UGT1A10: variants seen among roughly 807,000 people sequenced by gnomAD.
UGT1A10 encodes UDP glucuronosyltransferase family 1 member A10, also known as UDP-glucuronosyltransferase 1A10.
Under a neutral mutation model 45.8 loss-of-function variants are expected in UGT1A10, and 49 were observed. The observed-to-expected ratio is 1.07, with a 90% CI of 0.85 to 1.36. UGT1A10 has a LOEUF of 1.36. Among genes scored for constraint, UGT1A10 ranks in the 40% most tolerant of loss-of-function variants. The pLI is 0.00. For synonymous variants in UGT1A10, 284 were observed against 249.7 expected (o/e 1.14, Z -1.29); for missense variants, 745 against 668.6 (o/e 1.11, Z -1.26).
chr2:233,721,880 C>A, intron 1 of UGT1A10: 1 of 494,092 alleles, frequency 2.0e-6, no homozygotes, highest in Admixed American at 2.1e-5. Flanking sequence ...CTTGCCAGCC[C>A]CTCCATTGCA....
intron 1 of UGT1A10, among the ~76,000 whole-genome samples, chr2:233,762,016 T>C (rs1483178639): frequency 3.9e-5 from 6 of 152,180 alleles, no homozygotes; most frequent in Non-Finnish European, 2.9e-5. Flanking sequence ...CAATGTGATT[T>C]GTATTTTATT....
chr2:233,710,441 T>G (rs568926544), intron 1 of UGT1A10, among the ~76,000 whole-genome samples: 1 of 152,258 alleles, frequency 6.6e-6, no homozygotes, highest in Non-Finnish European at 1.5e-5. Context: ...TTTTAGTCTT[T>G]TACATTTTAG....
chr2:233,719,807 T>C, intron 1 of UGT1A10: 1 of 1,593,892 alleles, frequency 6.3e-7, no homozygotes, highest in Non-Finnish European at 8.5e-7. Context: ...TTGGCTTCTT[T>C]ATAACAGATA....
Position 233,772,513 on chromosome 2 carries a change from G to C in UGT1A10, c.1547G>C (p.Gly516Ala), listed in dbSNP as rs867885761. ...CCAYGYRKCL[G>A]KKGRVKKAHK... ...GCTTATGGCTACCGGAAATGCTTGG[G>C]GAAAAAAGGGCGAGTTAAGAAAGCC... The change falls in exon 5 of 5, where the codon GGG (glycine) becomes GCG (alanine). Residue 516 changes from glycine to alanine, a missense_variant. Gly to Ala is a moderately conservative substitution (Grantham distance 60). Transcript: ENST00000344644. 26 of 1,614,000 alleles carry C rather than the reference G, an allele frequency of 1.6e-5. 1 individual carries two copies. In the East Asian group the frequency reaches 5.6e-4, roughly 35 times the overall value.
At chr2:233,678,855 T>C (rs1363396796) in intron 1 of UGT1A10, among the ~76,000 whole-genome samples, 1 of 152,234 alleles carries the variant, frequency 6.6e-6, no homozygotes, top group Non-Finnish European at 1.5e-5. Context: ...ATTTTGTTGC[T>C]GTATCCATAA....
intron 1 of UGT1A10, among the ~76,000 whole-genome samples, chr2:233,730,779 G>A (rs1359595919): frequency 1.3e-5 from 2 of 152,152 alleles, no homozygotes; most frequent in African/African-American, 4.8e-5. Context: ...GCCCAGTGAA[G>A]CTGGGGACAG....
chr2:233,693,452 G>A, intron 1 of UGT1A10: 1 of 1,614,126 alleles, frequency 6.2e-7, no homozygotes, highest in South Asian at 1.1e-5. Context: ...TCTTTTCACA[G>A]ACCCAGCCTT....
chr2:233,688,101 CCTT>C (rs1188929741), intron 1 of UGT1A10, among the ~76,000 whole-genome samples: 2 of 152,190 alleles, frequency 1.3e-5, no homozygotes, highest in Admixed American at 6.5e-5. Context: ...TATTTCTCCC[CCTT>C]CTTCTACCCC....
chr2:233,717,281 T>G (rs1169770811), intron 1 of UGT1A10, among the ~76,000 whole-genome samples: 3 of 152,158 alleles, frequency 2.0e-5, no homozygotes, highest in Non-Finnish European at 4.4e-5. Flanking sequence ...GAAGCTGAGA[T>G]GTTGCACCCA....
intron 1 of UGT1A10, among the ~76,000 whole-genome samples, chr2:233,657,443 A>G (rs1458796869): frequency 6.6e-6 from 1 of 152,204 alleles, no homozygotes; most frequent in Non-Finnish European, 1.5e-5. Context: ...ACAAGGTGAG[A>G]AAGAAGCAAG....
chr2:233,719,732 C>T (rs765294147), intron 1 of UGT1A10: 1 of 1,613,492 alleles, frequency 6.2e-7, no homozygotes, highest in South Asian at 1.1e-5. Flanking sequence ...AGGCAAAACA[C>T]TTTTTAAAAA....
chr2:233,734,656 T>C (rs2078546605), intron 1 of UGT1A10, among the ~76,000 whole-genome samples: 1 of 152,258 alleles, frequency 6.6e-6, no homozygotes, highest in African/African-American at 2.4e-5. Flanking sequence ...GATTTAATGC[T>C]ATAAATTTCC....
rs371244037 is a variant in UGT1A10, at chr2:233,706,612, A to G, written c.856-60422A>G. 1.1e-4 allele frequency among the ~76,000 whole-genome samples: 16 copies of G among 152,262 alleles called. No individual in the cohort carries two copies. The East Asian group carries it at 3.1e-3, about 29-fold the overall frequency. Reference sequence around the variant, plus strand: ...GTGGACCTAAGTATGTGATAAGAAGACTAGAGAAATGAGTGTTTCTACTGT... The same window carrying G: ...GTGGACCTAAGTATGTGATAAGAAGGCTAGAGAAATGAGTGTTTCTACTGT... On this transcript the variant is annotated intron_variant, in intron 1 of 4. Transcript: ENST00000344644.
At chr2:233,729,959 G>T (rs1416622482) in intron 1 of UGT1A10, 2 of 1,614,018 alleles carry the variant, frequency 1.2e-6, no homozygotes, top group South Asian at 2.2e-5. Context: ...TTCATTGGGG[G>T]CATCAACTGT....
chr2:233,742,382 T>C (rs1691962910), intron 1 of UGT1A10, among the ~76,000 whole-genome samples: 1 of 152,014 alleles, frequency 6.6e-6, no homozygotes, highest in Admixed American at 6.5e-5. Flanking sequence ...AAGGCACAGA[T>C]GGCTCATGTT....
intron 1 of UGT1A10, among the ~76,000 whole-genome samples, chr2:233,652,148 G>A (rs1188269268): frequency 2.0e-5 from 3 of 152,208 alleles, no homozygotes; most frequent in Non-Finnish European, 1.5e-5. Context: ...TGACTGCACA[G>A]CAAGAAAAGA....
intron 1 of UGT1A10, among the ~76,000 whole-genome samples, chr2:233,694,123 T>TA: frequency 6.6e-6 from 1 of 152,238 alleles, no homozygotes; most frequent in East Asian, 1.9e-4. Flanking sequence ...GACAGTCACA[T>TA]ACTCATTGAA....
At chr2:233,729,589 A>C (rs2077888801) in intron 1 of UGT1A10, 4 of 1,614,098 alleles carry the variant, frequency 2.5e-6, no homozygotes, top group Non-Finnish European at 2.5e-6. Context: ...AGACCCCGTT[A>C]ACCTCTGCGC....
chr2:233,714,063 G>A (rs2076363404), intron 1 of UGT1A10, among the ~76,000 whole-genome samples: 1 of 152,154 alleles, frequency 6.6e-6, no homozygotes, highest in Admixed American at 6.5e-5. Flanking sequence ...TGAGAGGAAG[G>A]AGAGGCAGGG....
Sources: allele counts gnomAD v4.1 joint callset (sites outside exome capture counted in the v4.1 genomes callset), GRCh38; gene constraint gnomAD v4.1.1; transcripts MANE v1.5; gene names NCBI Gene and HGNC (gene_info 2026-07-23, HGNC 2026-07-21).